PLSCR2: variants seen among roughly 807,000 people sequenced by gnomAD.
PLSCR2 encodes phospholipid scramblase 2.
Under a neutral mutation model 25.3 loss-of-function variants are expected in PLSCR2, and 18 were observed. The ratio of observed to expected loss-of-function variants is 0.71; its 90% CI spans 0.49 to 1.06. The LOEUF is 1.06. PLSCR2 is among the 50% of genes least tolerant of loss of function. The pLI, the probability that PLSCR2 is intolerant of heterozygous loss-of-function variation, is 0.00. For synonymous variants in PLSCR2, 88 were observed against 87.3 expected (o/e 1.01, Z -0.04); for missense variants, 243 against 269.5 (o/e 0.90, Z 0.69).
At chr3:146,423,073 G>T (rs1463624670) in intron 2 of PLSCR2, among the ~76,000 whole-genome samples, 1 of 152,100 alleles carries the variant, frequency 6.6e-6, no homozygotes, top group East Asian at 1.9e-4. Flanking sequence ...CCCATTTGGA[G>T]GGTCTGTGGG....
At chr3:146,415,471 A>G (rs1271767078) in intron 2 of PLSCR2, among the ~76,000 whole-genome samples, 1 of 152,060 alleles carries the variant, frequency 6.6e-6, no homozygotes, top group South Asian at 2.1e-4. Flanking sequence ...ACATATTATA[A>G]ATATTTTTGA....
At chr3:146,481,764 A>G (rs546793791) in intron 1 of PLSCR2, among the ~76,000 whole-genome samples, 13 of 152,360 alleles carry the variant, frequency 8.5e-5, no homozygotes, top group African/African-American at 3.1e-4. Flanking sequence ...AAGAGACTGC[A>G]TTGTGAAGAC....
At chr3:146,423,587 C>A (rs1034807580) in intron 2 of PLSCR2, among the ~76,000 whole-genome samples, 14 of 151,860 alleles carry the variant, frequency 9.2e-5, no homozygotes, top group Admixed American at 7.9e-4. Context: ...GCTTTAATAT[C>A]CAATGACTTG....
intron 2 of PLSCR2, chr3:146,395,993 T>C: frequency 3.9e-6 from 1 of 255,380 alleles, no homozygotes; most frequent in Non-Finnish European, 7.8e-6. Flanking sequence ...ACCAAATTTA[T>C]TAATTATGAC....
At chr3:146,480,547 GA>G (rs529655774) in intron 1 of PLSCR2, among the ~76,000 whole-genome samples, 10 of 152,248 alleles carry the variant, frequency 6.6e-5, no homozygotes, top group Admixed American at 2.0e-4. Context: ...GGAAGAAGTT[GA>G]ATCTCTGAAT....
chr3:146,398,453 G>T (rs572920688), intron 2 of PLSCR2, among the ~76,000 whole-genome samples: 121 of 151,538 alleles, frequency 8.0e-4, no homozygotes, highest in African/African-American at 2.8e-3. Flanking sequence ...TTTAAAACTT[G>T]CCTTATAAGC....
chr3:146,488,742 T>C (rs2043437381), intron 1 of PLSCR2, among the ~76,000 whole-genome samples: 1 of 151,940 alleles, frequency 6.6e-6, no homozygotes, highest in Non-Finnish European at 1.5e-5. Context: ...ACTAAACCAT[T>C]GTGGAAGACA....
intron 1 of PLSCR2, among the ~76,000 whole-genome samples, chr3:146,481,712 A>G (rs768571254): frequency 2.3e-4 from 35 of 152,232 alleles, no homozygotes; most frequent in Non-Finnish European, 3.5e-4. Context: ...CTTTCTTCAC[A>G]GAGTTGGAAA....
intron 2 of PLSCR2, among the ~76,000 whole-genome samples, chr3:146,396,973 T>C (rs2038296672): frequency 6.6e-6 from 1 of 152,072 alleles, no homozygotes. Context: ...ACAGAACATA[T>C]TCATACCAAC....
At chr3:146,449,390 A>T in intron 5 of PLSCR2, 23 bp from the exon 6 acceptor site, 2 of 1,480,556 alleles carry the variant, frequency 1.4e-6, no homozygotes, top group Non-Finnish European at 1.8e-6. Context: ...AAAAAAAAAA[A>T]CTTAAAAATT....
intron 2 of PLSCR2, among the ~76,000 whole-genome samples, chr3:146,414,680 A>C (rs903624730): frequency 2.0e-5 from 3 of 152,186 alleles, no homozygotes; most frequent in Non-Finnish European, 4.4e-5. Flanking sequence ...AGTCGAGATA[A>C]AGGTAAACAG....
chr3:146,481,496 A>G (rs2043128610), intron 1 of PLSCR2, among the ~76,000 whole-genome samples: 1 of 152,214 alleles, frequency 6.6e-6, no homozygotes, highest in Non-Finnish European at 1.5e-5. Flanking sequence ...CAAACAGAAT[A>G]AAATACCTGG....
At chr3:146,451,690 C>G (rs1424886152) in intron 5 of PLSCR2, among the ~76,000 whole-genome samples, 1 of 152,228 alleles carries the variant, frequency 6.6e-6, no homozygotes, top group African/African-American at 2.4e-5. Flanking sequence ...CAGTCCTGTC[C>G]CCATCCTCCG....
upstream of PLSCR2, among the ~76,000 whole-genome samples, chr3:146,462,441 C>A (rs1399894274): frequency 1.4e-5 from 2 of 146,988 alleles, no homozygotes; most frequent in Non-Finnish European, 3.0e-5. Context: ...TGAACACTTT[C>A]TTTTTTCTTT....
chr3:146,405,549 G>A (rs1170323658), intron 2 of PLSCR2, among the ~76,000 whole-genome samples: 3 of 152,090 alleles, frequency 2.0e-5, no homozygotes, highest in Non-Finnish European at 2.9e-5. Flanking sequence ...GTAAAAACAA[G>A]GTTAGGCATT....
rs557466147 is a variant in PLSCR2 at position 146,490,824 on chromosome 3, G to A, written c.-293+5071C>T. On this transcript the variant is annotated intron_variant, in intron 1 of 8. Transcript: ENST00000336685. ...CAGCTTGCCACTCTCTGCCTTTTAG[G>A]TAGGGCATTTAGCCCATCTACATTC... Among the ~76,000 whole-genome samples, 6 of 152,188 alleles carry A rather than the reference G, an allele frequency of 3.9e-5. No homozygotes were observed. The East Asian group carries it at 5.8e-4, about 15-fold the overall frequency.
At chr3:146,408,430 C>T (rs755338733) in intron 2 of PLSCR2, among the ~76,000 whole-genome samples, 30 of 152,270 alleles carry the variant, frequency 2.0e-4, no homozygotes, top group Non-Finnish European at 4.0e-4. Flanking sequence ...TCATCCTGCA[C>T]CTCTTGGATA....
chr3:146,487,605 A>C (rs2043392592), intron 1 of PLSCR2, among the ~76,000 whole-genome samples: 1 of 152,138 alleles, frequency 6.6e-6, no homozygotes, highest in African/African-American at 2.4e-5. Flanking sequence ...CTAGAAATAC[A>C]ACTAACAAGG....
chr3:146,392,414 T>C (rs2038109451), intron 3 of PLSCR2, among the ~76,000 whole-genome samples: 1 of 152,108 alleles, frequency 6.6e-6, no homozygotes, highest in African/African-American at 2.4e-5. Flanking sequence ...CCTTTATTTT[T>C]TGCTTCTCTT....
Sources: allele counts gnomAD v4.1 joint callset (sites outside exome capture counted in the v4.1 genomes callset), GRCh38; gene constraint gnomAD v4.1.1; transcripts MANE v1.5; gene names NCBI Gene and HGNC (gene_info 2026-07-23, HGNC 2026-07-21).